GSE1: variants seen among roughly 807,000 people sequenced by gnomAD.
GSE1 encodes Gse1 coiled-coil protein.
In GSE1, 32 loss-of-function variants were observed where a neutral mutation model predicts 112.6. The ratio of observed to expected loss-of-function variants is 0.28; its 90% CI spans 0.21 to 0.38. The LOEUF (loss-of-function observed/expected upper bound fraction) is 0.38. Among genes scored for constraint, GSE1 ranks in the 10% least tolerant of loss-of-function variants. GSE1 has a pLI of 1.00. For synonymous variants in GSE1, 1,115 were observed against 735.6 expected (o/e 1.52, Z -8.35); for missense variants, 2,348 against 1,699.2 (o/e 1.38, Z -6.71).
At chr16:85,345,240 C>T (rs2046710116) in intron 1 of GSE1, among the ~76,000 whole-genome samples, 1 of 152,232 alleles carries the variant, frequency 6.6e-6, no homozygotes, top group African/African-American at 2.4e-5. Flanking sequence ...AACAGTATTT[C>T]ACCACAGATA....
chr16:85,173,451 C>A (rs1009505556), intron 1 of GSE1, among the ~76,000 whole-genome samples: 3 of 152,308 alleles, frequency 2.0e-5, no homozygotes, highest in Admixed American at 2.0e-4. Context: ...TAAGTTCCCC[C>A]AGAGGGTCAG....
At chr16:85,475,622 C>T (rs556031384) in intron 2 of GSE1, among the ~76,000 whole-genome samples, 1 of 152,148 alleles carries the variant, frequency 6.6e-6, no homozygotes, top group African/African-American at 2.4e-5. Flanking sequence ...AATTCTGGGC[C>T]TTGTAAATCT....
At chr16:85,218,520 A>G (rs2075340576) in intron 1 of GSE1, among the ~76,000 whole-genome samples, 1 of 152,244 alleles carries the variant, frequency 6.6e-6, no homozygotes, top group South Asian at 2.1e-4. Context: ...CGTAGTGGTA[A>G]AACGCGGCCT....
chr16:85,386,205 G>A (rs891615699), intron 2 of GSE1, among the ~76,000 whole-genome samples: 3 of 152,168 alleles, frequency 2.0e-5, no homozygotes, highest in Non-Finnish European at 2.9e-5. Context: ...TCAGCATTGT[G>A]GCCAGCAGAG....
intron 2 of GSE1, among the ~76,000 whole-genome samples, chr16:85,541,897 G>A (rs2044532687): frequency 6.6e-6 from 1 of 152,246 alleles, no homozygotes; most frequent in Admixed American, 6.5e-5. Flanking sequence ...ACTGGGAACG[G>A]GCTGAGCATG....
Position 85,657,453 on chromosome 16 carries a change from T to G in GSE1, c.1489T>G (p.Trp497Gly), listed in dbSNP as rs759463139. The change falls in exon 8 of 16, where the codon TGG (tryptophan) becomes GGG (glycine). Residue 497 changes from tryptophan (W) to glycine (G), a missense_variant. Physicochemically the swap from Trp to Gly is radical, Grantham distance 184. Transcript: ENST00000253458. Reference sequence around the variant, plus strand: ...CCAGCGCACCAATGAGGAGGAGAAGTGGCTGGCGCGGCAGCGGCGGCTGCG... The same window carrying G: ...CCAGCGCACCAATGAGGAGGAGAAGGGGCTGGCGCGGCAGCGGCGGCTGCG... ...LIQRTNEEEK[W>G]LARQRRLRQE... 1 of 1,611,864 alleles carries G rather than the reference T, an allele frequency of 6.2e-7. No individual in the cohort carries two copies. Among genetic ancestry groups the G allele is most frequent in the Non-Finnish European group, 8.5e-7 (1 of 1,179,488 alleles).
At chr16:85,310,417 C>T (rs936077767) in intron 1 of GSE1, among the ~76,000 whole-genome samples, 1 of 152,194 alleles carries the variant, frequency 6.6e-6, no homozygotes, top group African/African-American at 2.4e-5. Context: ...TCATTGTCGG[C>T]TGCCTTCCTT....
chr16:85,636,815 G>T (rs1342746730), intron 2 of GSE1, among the ~76,000 whole-genome samples: 1 of 152,176 alleles, frequency 6.6e-6, no homozygotes, highest in African/African-American at 2.4e-5. Flanking sequence ...GGCGTTGGGC[G>T]CACAAAAGGG....
chr16:85,229,380 C>T (rs983315013), intron 1 of GSE1, among the ~76,000 whole-genome samples: 1 of 152,332 alleles, frequency 6.6e-6, no homozygotes, highest in East Asian at 1.9e-4. Flanking sequence ...CCGTTCAGCT[C>T]ACTGGGGCCT....
chr16:85,450,479 G>A (rs1484117997), intron 2 of GSE1, among the ~76,000 whole-genome samples: 4 of 149,096 alleles, frequency 2.7e-5, no homozygotes, highest in East Asian at 2.0e-4. Flanking sequence ...AGACAGAGTC[G>A]CACTCTGTCA....
intron 1 of GSE1, among the ~76,000 whole-genome samples, chr16:85,176,520 C>T (rs777830791): frequency 3.3e-5 from 5 of 152,264 alleles, no homozygotes; most frequent in African/African-American, 7.2e-5. Context: ...CACCTTCCTT[C>T]TGTTGCTGGG....
intron 1 of GSE1, among the ~76,000 whole-genome samples, chr16:85,229,025 G>A (rs1175800686): frequency 6.6e-6 from 1 of 152,252 alleles, no homozygotes; most frequent in Non-Finnish European, 1.5e-5. Context: ...CGCTGGGCCC[G>A]TGGGAGGGTG....
chr16:85,612,854 C>A (rs554636601), upstream of GSE1, among the ~76,000 whole-genome samples: 2 of 152,230 alleles, frequency 1.3e-5, no homozygotes, highest in Non-Finnish European at 2.9e-5. Context: ...AGGCACTGTT[C>A]TAGGTTCCCG....
intron 2 of GSE1, among the ~76,000 whole-genome samples, chr16:85,635,277 G>T (rs2049895635): frequency 6.6e-6 from 1 of 152,162 alleles, no homozygotes; most frequent in South Asian, 2.1e-4. Context: ...GCCCGTTGGG[G>T]TCTGGTTTCC....
At chr16:85,596,433 C>T (rs8055829) in intron 1 of GSE1, among the ~76,000 whole-genome samples, 2 of 152,134 alleles carry the variant, frequency 1.3e-5, no homozygotes, top group African/African-American at 4.8e-5. Flanking sequence ...TGTGTGTGCT[C>T]GTGTGTTCTG....
intron 2 of GSE1, among the ~76,000 whole-genome samples, chr16:85,647,728 A>C (rs2050995579): frequency 6.6e-6 from 1 of 152,206 alleles, no homozygotes; most frequent in African/African-American, 2.4e-5. Flanking sequence ...CTGGGACTAC[A>C]GGCGCGCGCC....
intron 1 of GSE1, among the ~76,000 whole-genome samples, chr16:85,344,913 G>A (rs2046701743): frequency 6.6e-6 from 1 of 152,244 alleles, no homozygotes; most frequent in African/African-American, 2.4e-5. Context: ...CAGGTGACCC[G>A]TGGGTGCTGC....
At chr16:85,515,482 G>A (rs944773113) in intron 2 of GSE1, among the ~76,000 whole-genome samples, 6 of 152,188 alleles carry the variant, frequency 3.9e-5, no homozygotes, top group African/African-American at 4.8e-5. Flanking sequence ...ATCTGGCAGC[G>A]GGTGGGCGGA....
At chr16:85,565,376 G>A (rs2045696908) in intron 1 of GSE1, among the ~76,000 whole-genome samples, 1 of 149,580 alleles carries the variant, frequency 6.7e-6, no homozygotes, top group Non-Finnish European at 1.5e-5. Flanking sequence ...GGGTGACAGA[G>A]CGAGTGAGAC....
Sources: allele counts gnomAD v4.1 joint callset (sites outside exome capture counted in the v4.1 genomes callset), GRCh38; gene constraint gnomAD v4.1.1; transcripts MANE v1.5; gene names NCBI Gene and HGNC (gene_info 2026-07-23, HGNC 2026-07-21).